GRID2: variants seen among roughly 807,000 people sequenced by gnomAD.
The protein encoded by GRID2 is glutamate receptor ionotropic, delta-2.
Under a neutral mutation model 114.8 loss-of-function variants are expected in GRID2, and 33 were observed. The ratio of observed to expected loss-of-function variants is 0.29; its 90% CI spans 0.22 to 0.38. The LOEUF is 0.38. Among genes scored for constraint, GRID2 ranks in the 10% least tolerant of loss-of-function variants. The pLI, the probability that GRID2 is intolerant of heterozygous loss-of-function variation, is 1.00. For synonymous variants in GRID2, 505 were observed against 449.9 expected (o/e 1.12, Z -1.55); for missense variants, 1,184 against 1,257.7 (o/e 0.94, Z 0.89).
At chr4:92,742,929 G>T (rs1020352221) in intron 2 of GRID2, among the ~76,000 whole-genome samples, 1 of 152,118 alleles carries the variant, frequency 6.6e-6, no homozygotes, top group Admixed American at 6.6e-5. Flanking sequence ...TATTCCACTA[G>T]TTCTTTACTG....
chr4:92,910,123 G>A (rs1010865902), intron 2 of GRID2, among the ~76,000 whole-genome samples: 1 of 151,996 alleles, frequency 6.6e-6, no homozygotes, highest in African/African-American at 2.4e-5. Flanking sequence ...ATATAGGATG[G>A]ATGATGTGGA....
intron 1 of GRID2, among the ~76,000 whole-genome samples, chr4:92,575,037 C>G (rs1168129134): frequency 1.3e-5 from 2 of 152,088 alleles, no homozygotes; most frequent in Admixed American, 1.3e-4. Context: ...CTATTCTTGT[C>G]TGACTCTCTT....
intron 14 of GRID2, among the ~76,000 whole-genome samples, chr4:93,693,783 C>G (rs1335933593): frequency 6.6e-6 from 1 of 151,602 alleles, no homozygotes; most frequent in African/African-American, 2.4e-5. Flanking sequence ...ACCACAGCAC[C>G]AGTAATTTGG....
intron 1 of GRID2, among the ~76,000 whole-genome samples, chr4:92,330,149 G>A (rs1191533948): frequency 1.3e-5 from 2 of 152,050 alleles, no homozygotes; most frequent in South Asian, 2.1e-4. Context: ...TCCATTGTGG[G>A]CCACATTGCA....
At chr4:92,798,719 T>C (rs1288704373) in intron 2 of GRID2, among the ~76,000 whole-genome samples, 1 of 152,030 alleles carries the variant, frequency 6.6e-6, no homozygotes, top group African/African-American at 2.4e-5. Context: ...TGTTTATTTG[T>C]TAATAAGTAC....
At chr4:93,497,462 T>C (rs1237868926) in intron 12 of GRID2, among the ~76,000 whole-genome samples, 1 of 151,850 alleles carries the variant, frequency 6.6e-6, no homozygotes, top group Non-Finnish European at 1.5e-5. Context: ...GAAGATTTTC[T>C]CCTATTTCTT....
intron 4 of GRID2, among the ~76,000 whole-genome samples, chr4:93,153,195 T>C (rs907491983): frequency 1.3e-5 from 2 of 152,074 alleles, no homozygotes; most frequent in African/African-American, 2.4e-5. Context: ...TCACATAAGA[T>C]GATACACCAA....
At chr4:93,084,959 CA>C (rs1730198990) in intron 2 of GRID2, 35 bp from the exon 3 acceptor site, 1 of 1,569,196 alleles carries the variant, frequency 6.4e-7, no homozygotes, top group Non-Finnish European at 8.7e-7. Context: ...ATGTGAAACC[CA>C]CTGACATTTT....
At chr4:93,804,564 T>C (rs984703556) in intron 1 of GRID2, among the ~76,000 whole-genome samples, 2 of 152,214 alleles carry the variant, frequency 1.3e-5, no homozygotes, top group African/African-American at 2.4e-5. Flanking sequence ...ATATATGCAG[T>C]CTGTCATTAA....
chr4:93,369,640 C>T (rs1161386265), intron 8 of GRID2, among the ~76,000 whole-genome samples: 2 of 152,042 alleles, frequency 1.3e-5, no homozygotes, highest in African/African-American at 2.4e-5. Context: ...AGGTGCATGC[C>T]ACCACACACA....
rs139320071 is a variant in GRID2 at position 92,794,874 on chromosome 4, T to TTTTATATA, written c.244+204589_244+204590insTTATATAT. ...CAGAGTCATTTAATAAATAATTGTTTTATATATATATATATATATATATAT... is the reference window on the plus strand; with the variant it reads ...CAGAGTCATTTAATAAATAATTGTTTTTTATATATATATATATATATATATATATATAT... On this transcript the variant is annotated intron_variant, in intron 2 of 15. Coordinates refer to ENST00000282020, the MANE Select transcript of GRID2 (RefSeq NM_001510.4). Among the ~76,000 whole-genome samples the TTTTATATA allele has an allele frequency of 9.4e-5, 10 of 106,052 alleles. 1 individual carries two copies. Among genetic ancestry groups the TTTTATATA allele is most frequent in the African/African-American group, 4.2e-4 (10 of 23,984 alleles). The allele number at this position is 106,052 out of a possible 152,430, so 69.6% of individuals were successfully genotyped here.
chr4:93,547,563 C>A (rs921513580), intron 13 of GRID2, among the ~76,000 whole-genome samples: 1 of 151,798 alleles, frequency 6.6e-6, no homozygotes, highest in Non-Finnish European at 1.5e-5. Flanking sequence ...TTTTGTGTTT[C>A]TCTCTCGGGC....
At chr4:93,491,842 A>C (rs1170474042) in intron 12 of GRID2, among the ~76,000 whole-genome samples, 2 of 151,958 alleles carry the variant, frequency 1.3e-5, no homozygotes, top group African/African-American at 4.8e-5. Flanking sequence ...ATAAATAAAT[A>C]GGGTATTATT....
chr4:93,393,570 A>C (rs1382122745), intron 8 of GRID2, among the ~76,000 whole-genome samples: 1 of 151,998 alleles, frequency 6.6e-6, no homozygotes, highest in Non-Finnish European at 1.5e-5. Context: ...TTTTGCTGTC[A>C]TTGTTTGGAA....
intron 2 of GRID2, among the ~76,000 whole-genome samples, chr4:92,850,482 T>C (rs1743691890): frequency 6.6e-6 from 1 of 151,946 alleles, no homozygotes; most frequent in African/African-American, 2.4e-5. Context: ...TTGATTGACA[T>C]AGATATGGTT....
intron 1 of GRID2, among the ~76,000 whole-genome samples, chr4:92,501,606 C>T (rs972049599): frequency 6.6e-6 from 1 of 152,102 alleles, no homozygotes; most frequent in African/African-American, 2.4e-5. Context: ...TCTTTAGTAA[C>T]CTCTCTGATG....
At chr4:92,876,737 T>TA (rs1259492307) in intron 2 of GRID2, among the ~76,000 whole-genome samples, 1 of 152,220 alleles carries the variant, frequency 6.6e-6, no homozygotes, top group East Asian at 1.9e-4. Context: ...TTTTTATTTT[T>TA]ACAAAACCCA....
In GRID2 at chr4:93,631,412, G is replaced by A. The variant is rs142856538; in HGVS notation, c.2360+4977G>A. ...CCTGGTGTGTGATGCTCCCCTTCCCGTGTCCAAGTGTTCTCATTGTTCAAT... is the reference window on the plus strand; with the variant it reads ...CCTGGTGTGTGATGCTCCCCTTCCCATGTCCAAGTGTTCTCATTGTTCAAT... On this transcript the variant is annotated intron_variant, in intron 14 of 15. Transcript: ENST00000282020. Among the ~76,000 whole-genome samples the A allele has an allele frequency of 4.7e-3, 718 of 152,172 alleles. 5 individuals are homozygous for A. The highest frequency in any genetic ancestry group is 0.016 in the African/African-American group (649 of 41,496).
rs745331195 is a variant in GRID2, at chr4:93,216,779, A to G, written c.831A>G (p.Ser277=). ...DVDVQELVRR[S]IGRLTIIRQT... is the part of the protein sequence containing the mutation. ...ACGTACAGGAACTTGTAAGAAGGTCAATTGGAAGGTTAACGATTATTCGGC... is the reference window on the plus strand; with the variant it reads ...ACGTACAGGAACTTGTAAGAAGGTCGATTGGAAGGTTAACGATTATTCGGC... Residue 277 remains serine, a synonymous_variant, in exon 6 of 16, where the codon TCA becomes TCG. Transcript: ENST00000282020. 5.6e-6 allele frequency: 9 copies of G among 1,612,516 alleles called. No individual in the cohort carries two copies. The highest frequency in any genetic ancestry group is 7.6e-6 in the Non-Finnish European group (9 of 1,178,622).
Sources: allele counts gnomAD v4.1 joint callset (sites outside exome capture counted in the v4.1 genomes callset), GRCh38; gene constraint gnomAD v4.1.1; transcripts MANE v1.5; gene names NCBI Gene and HGNC (gene_info 2026-07-23, HGNC 2026-07-21).